The following NSDHL variants were observed in gnomAD, a reference collection of about 807,000 sequenced individuals.
NSDHL encodes NAD(P) dependent 3-beta-hydroxysteroid dehydrogenase NSDHL.
Under a neutral mutation model 23.0 loss-of-function variants are expected in NSDHL, and 1 was observed. That is an observed-to-expected ratio of 0.04 (90% confidence interval 0.02 to 0.21). The LOEUF (loss-of-function observed/expected upper bound fraction) is 0.21. Ranked by LOEUF, NSDHL falls within the 10% of genes least tolerant of loss-of-function variation. The pLI is 1.00. For missense variants in NSDHL, 237 were observed against 300.9 expected (o/e 0.79, Z 1.57); for synonymous variants, 128 against 121.1 (o/e 1.06, Z -0.37).
At chrX:152,847,038 A>G (rs1412621977) in intron 2 of NSDHL, among the ~76,000 whole-genome samples, 3 of 112,293 alleles carry the variant, frequency 2.7e-5, no homozygotes, top group Non-Finnish European at 5.6e-5. Context: ...GGTGTCTCAC[A>G]CCTGTGAAAT....
intron 4 of NSDHL, among the ~76,000 whole-genome samples, chrX:152,861,557 C>T (rs1556847532): frequency 8.8e-6 from 1 of 113,054 alleles, no homozygotes; most frequent in Admixed American, 9.3e-5. Context: ...CCAGCTGAGA[C>T]TGCTGTTGTA....
At chrX:152,832,478 C>T (rs1357863262) in intron 1 of NSDHL, among the ~76,000 whole-genome samples, 3 of 111,773 alleles carry the variant, frequency 2.7e-5, no homozygotes, top group African/African-American at 9.8e-5. Flanking sequence ...GTCCTCCCTG[C>T]TCTACCAGGT....
chrX:152,866,835 G>A (rs984319269), intron 6 of NSDHL, among the ~76,000 whole-genome samples: 6 of 112,392 alleles, frequency 5.3e-5, no homozygotes, highest in African/African-American at 1.9e-4. Flanking sequence ...GGCCCAAGTG[G>A]ACAGAAGCTT....
At chrX:152,864,511 GC>G (rs1933577231) in intron 5 of NSDHL, among the ~76,000 whole-genome samples, 1 of 112,282 alleles carries the variant, frequency 8.9e-6, no homozygotes, top group African/African-American at 3.2e-5. Context: ...TCAAATGATG[GC>G]CTTGGCCCAG....
intron 3 of NSDHL, among the ~76,000 whole-genome samples, chrX:152,852,907 T>C (rs1933379874): frequency 9.1e-6 from 1 of 109,947 alleles, no homozygotes; most frequent in African/African-American, 3.3e-5. Context: ...CTTTCTTTGC[T>C]TGCCTTCTGA....
At chrX:152,841,219 C>G (rs946319055) in intron 1 of NSDHL, among the ~76,000 whole-genome samples, 1 of 112,729 alleles carries the variant, frequency 8.9e-6, no homozygotes, top group African/African-American at 3.2e-5. Context: ...GTCACGGCTT[C>G]CCTTGGCTAG....
chrX:152,836,829 A>G (rs899870949), intron 1 of NSDHL, among the ~76,000 whole-genome samples: 1 of 112,127 alleles, frequency 8.9e-6, no homozygotes, highest in Middle Eastern at 4.2e-3. Flanking sequence ...GTTTTTTCCA[A>G]TTCTGTGAAG....
At chrX:152,861,518 T>C (rs782576757) in intron 4 of NSDHL, among the ~76,000 whole-genome samples, 1 of 113,119 alleles carries the variant, frequency 8.8e-6, no homozygotes, top group African/African-American at 3.2e-5. Flanking sequence ...CTTCTACATA[T>C]GTTTGGCTTA....
intron 1 of NSDHL, among the ~76,000 whole-genome samples, chrX:152,832,962 G>T (rs367555705): frequency 1.8e-5 from 2 of 111,203 alleles, no homozygotes; most frequent in Non-Finnish European, 3.8e-5. Flanking sequence ...CTCTCCCACC[G>T]CTGAGCAGCA....
intron 1 of NSDHL, among the ~76,000 whole-genome samples, chrX:152,835,011 G>A (rs1238829309): frequency 8.9e-6 from 1 of 111,758 alleles, no homozygotes; most frequent in Admixed American, 9.5e-5. Flanking sequence ...TAGAAGGACG[G>A]GACGCTCTCA....
chrX:152,839,639 T>C (rs1253264208), intron 1 of NSDHL, among the ~76,000 whole-genome samples: 1 of 112,883 alleles, frequency 8.9e-6, no homozygotes, highest in Non-Finnish European at 1.9e-5. Flanking sequence ...CACTCTCTTC[T>C]GGCTTGTAGG....
chrX:152,853,583 T>C (rs191634477), intron 3 of NSDHL, among the ~76,000 whole-genome samples: 32 of 111,396 alleles, frequency 2.9e-4, no homozygotes, highest in African/African-American at 9.8e-4. Context: ...TGGCGTCCAG[T>C]CCCATGTCAA....
intron 3 of NSDHL, among the ~76,000 whole-genome samples, chrX:152,852,745 G>A (rs1372674626): frequency 9.0e-6 from 1 of 110,717 alleles, no homozygotes; most frequent in African/African-American, 3.3e-5. Flanking sequence ...TCCCGAGGAC[G>A]CCTCATCCCC....
intron 2 of NSDHL, 117 bp downstream of exon 2, chrX:152,846,549 G>A: frequency 1.9e-6 from 1 of 540,505 alleles, no homozygotes. Context: ...AAGATATATA[G>A]CTTTGTTTAA....
intron 1 of NSDHL, among the ~76,000 whole-genome samples, chrX:152,839,659 G>A (rs901427834): frequency 8.9e-6 from 1 of 112,754 alleles, no homozygotes; most frequent in African/African-American, 3.2e-5. Flanking sequence ...GGTTTCTGCC[G>A]AGGGATCTGC....
chrX:152,850,684 G>T (rs1340046416), intron 3 of NSDHL, among the ~76,000 whole-genome samples: 1 of 112,598 alleles, frequency 8.9e-6, no homozygotes, highest in Non-Finnish European at 1.9e-5. Flanking sequence ...GTGGCTGTAT[G>T]CCAGTGAAAC....
chrX:152,868,449 T>A (rs1362250625), intron 7 of NSDHL, among the ~76,000 whole-genome samples: 1 of 112,145 alleles, frequency 8.9e-6, no homozygotes, highest in Non-Finnish European at 1.9e-5. Context: ...TGGCTTTTGA[T>A]TTAAAACAAG....
chrX:152,841,778 T>C (rs1556844905), intron 1 of NSDHL, among the ~76,000 whole-genome samples: 10 of 112,432 alleles, frequency 8.9e-5, no homozygotes, highest in Non-Finnish European at 1.9e-5. Context: ...TTCTTCTGTA[T>C]GTCTGTGTGG....
chrX:152,841,131 C>A (rs782345206), intron 1 of NSDHL, among the ~76,000 whole-genome samples: 1 of 113,120 alleles, frequency 8.8e-6, no homozygotes, highest in South Asian at 3.6e-4. Flanking sequence ...GAGAGAATCT[C>A]CTGGTCTGCC....
Sources: gnomAD v4.1 joint callset for allele counts (sites outside exome capture counted in the v4.1 genomes callset) on GRCh38, gnomAD v4.1.1 for gene constraint, MANE v1.5 for transcripts, NCBI Gene and HGNC (gene_info 2026-07-23, HGNC 2026-07-21) for gene names.